Variants in TSPAN9 observed in about 807,000 individuals in gnomAD.
TSPAN9 encodes tetraspanin 9.
A neutral mutation model predicts 31.0 loss-of-function variants in TSPAN9; 16 were observed. The ratio of observed to expected loss-of-function variants is 0.52; its 90% CI spans 0.35 to 0.78. The LOEUF (loss-of-function observed/expected upper bound fraction) is 0.78. Ranked by LOEUF, TSPAN9 falls within the 30% of genes least tolerant of loss-of-function variation. The pLI is 0.01. For synonymous variants in TSPAN9, 145 were observed against 121.6 expected (o/e 1.19, Z -1.27); for missense variants, 272 against 312.5 (o/e 0.87, Z 0.98).
chr12:3,226,690 G>GTGTATGTATGTGTGTATATATA (rs2098387363), intron 3 of TSPAN9, among the ~76,000 whole-genome samples: 1 of 14,762 alleles, frequency 6.8e-5, no homozygotes, highest in African/African-American at 2.4e-4. Context: ...GTGTGTGTGT[G>GTGTATGTATGTGTGTATATATA]TGTGTGTGTG....
chr12:3,283,091 G>A lies in TSPAN9; in HGVS notation c.695G>A (p.Arg232Gln), dbSNP rs762634136. ...FSMTLFQHIH[R>Q]TGKKYDA Reference sequence around the variant, plus strand: ...ATGACCCTCTTCCAGCACATCCACCGGACTGGTAAGAAGTACGACGCATGA... The same window carrying A: ...ATGACCCTCTTCCAGCACATCCACCAGACTGGTAAGAAGTACGACGCATGA... The change falls in exon 9 of 9, where the codon CGG becomes CAG. Residue 232 changes from arginine (R) to glutamine (Q), a missense_variant. Transcript: ENST00000011898. 9.3e-6 allele frequency: 15 copies of A among 1,609,444 alleles called. No homozygotes were observed. Among genetic ancestry groups the A allele is most frequent in the African/African-American group, 1.3e-5 (1 of 74,914 alleles).
intron 2 of TSPAN9, among the ~76,000 whole-genome samples, chr12:3,087,736 G>A (rs2098301329): frequency 6.6e-6 from 1 of 152,038 alleles, no homozygotes; most frequent in South Asian, 2.1e-4. Flanking sequence ...AATCTGGGAG[G>A]CGGAGGTTGC....
At chr12:3,257,018 A>G (rs1047944187) in intron 3 of TSPAN9, among the ~76,000 whole-genome samples, 5 of 152,068 alleles carry the variant, frequency 3.3e-5, no homozygotes, top group African/African-American at 1.2e-4. Context: ...GGTGACATTG[A>G]AGTTTGGGTT....
At chr12:3,132,085 G>C (rs2098330065) in intron 2 of TSPAN9, among the ~76,000 whole-genome samples, 1 of 152,186 alleles carries the variant, frequency 6.6e-6, no homozygotes, top group Non-Finnish European at 1.5e-5. Flanking sequence ...GCATGCTGTA[G>C]TGTGCATCAG....
At chr12:3,092,210 C>A (rs1007173365) in intron 2 of TSPAN9, among the ~76,000 whole-genome samples, 62 of 152,298 alleles carry the variant, frequency 4.1e-4, no homozygotes, top group African/African-American at 1.5e-3. Context: ...CTGCCAGGCC[C>A]TCCCTGACTC....
At chr12:3,176,134 T>TA (rs765238349) in intron 2 of TSPAN9, among the ~76,000 whole-genome samples, 42 of 152,370 alleles carry the variant, frequency 2.8e-4, no homozygotes, top group East Asian at 1.2e-3. Flanking sequence ...TCCCCTGCTG[T>TA]GAGCCAGGGA....
chr12:3,255,391 C>T (rs1345760194), intron 3 of TSPAN9, among the ~76,000 whole-genome samples: 1 of 152,208 alleles, frequency 6.6e-6, no homozygotes, highest in Non-Finnish European at 1.5e-5. Context: ...GGCCACATCA[C>T]GTAATGGGAG....
At chr12:3,230,169 C>T (rs2098389908) in intron 3 of TSPAN9, among the ~76,000 whole-genome samples, 1 of 152,200 alleles carries the variant, frequency 6.6e-6, no homozygotes, top group Non-Finnish European at 1.5e-5. Flanking sequence ...GGTCTCTCCC[C>T]AGGATTGCCC....
At chr12:3,204,034 G>T (rs971436486) in intron 3 of TSPAN9, among the ~76,000 whole-genome samples, 1 of 152,178 alleles carries the variant, frequency 6.6e-6, no homozygotes, top group East Asian at 1.9e-4. Flanking sequence ...TCTTGTGCAG[G>T]GGGGCAGGGG....
chr12:3,121,221 C>T (rs1232897700), intron 2 of TSPAN9, among the ~76,000 whole-genome samples: 1 of 152,186 alleles, frequency 6.6e-6, no homozygotes, highest in Non-Finnish European at 1.5e-5. Context: ...TATTTGCCCT[C>T]ATTTTGCAGA....
chr12:3,142,505 G>A (rs1050331800), intron 2 of TSPAN9, among the ~76,000 whole-genome samples: 4 of 152,204 alleles, frequency 2.6e-5, no homozygotes, highest in African/African-American at 9.7e-5. Flanking sequence ...GTAAGGCGAT[G>A]ATTATTTATT....
chr12:3,212,914 G>C (rs142120277), intron 3 of TSPAN9, among the ~76,000 whole-genome samples: 2 of 152,172 alleles, frequency 1.3e-5, no homozygotes, highest in Non-Finnish European at 2.9e-5. Context: ...GATGGAAGAT[G>C]TACAACGTGG....
chr12:3,126,983 C>T (rs1283121052), intron 2 of TSPAN9, among the ~76,000 whole-genome samples: 2 of 152,114 alleles, frequency 1.3e-5, no homozygotes, highest in Non-Finnish European at 2.9e-5. Flanking sequence ...GCTGTGTTGC[C>T]CAGGCTGGAC....
chr12:3,159,154 G>A (rs1311903027), intron 2 of TSPAN9, among the ~76,000 whole-genome samples: 1 of 151,282 alleles, frequency 6.6e-6, no homozygotes, highest in Non-Finnish European at 1.5e-5. Flanking sequence ...TCCCATTATT[G>A]TCTGTTGTTT....
At chr12:3,226,688 GTGTGTGTGTGTGTGTGTGTATGTGTA>G (rs1370691622) in intron 3 of TSPAN9, among the ~76,000 whole-genome samples, 1 of 24,946 alleles carries the variant, frequency 4.0e-5, no homozygotes, top group African/African-American at 1.6e-4. Context: ...GTGTGTGTGT[GTGTGTGTGTGTGTGTGTGTATGTGTA>G]TGTATGTGTG....
chr12:3,240,937 T>C (rs2098396274), intron 3 of TSPAN9, among the ~76,000 whole-genome samples: 1 of 152,166 alleles, frequency 6.6e-6, no homozygotes, highest in Admixed American at 6.5e-5. Flanking sequence ...ATGCCAACAA[T>C]AGTATGCTAT....
intron 2 of TSPAN9, among the ~76,000 whole-genome samples, chr12:3,097,068 G>T (rs1348988299): frequency 6.6e-6 from 1 of 152,156 alleles, no homozygotes; most frequent in Non-Finnish European, 1.5e-5. Context: ...TGGCGAGGAC[G>T]TTGAGGGAAG....
intron 3 of TSPAN9, among the ~76,000 whole-genome samples, chr12:3,219,393 C>T (rs115858306): frequency 0.016 from 2,460 of 152,270 alleles, 78 homozygotes; most frequent in African/African-American, 0.057. Context: ...TTGAGTGGCA[C>T]CTCCTGCGGG....
chr12:3,258,306 C>T (rs758691602), intron 3 of TSPAN9, among the ~76,000 whole-genome samples: 9 of 152,104 alleles, frequency 5.9e-5, no homozygotes, highest in African/African-American at 7.2e-5. Context: ...AGAGCCTTGG[C>T]GAGATTCATT....
Sources: gnomAD v4.1 joint callset for allele counts (sites outside exome capture counted in the v4.1 genomes callset) on GRCh38, gnomAD v4.1.1 for gene constraint, MANE v1.5 for transcripts, NCBI Gene and HGNC (gene_info 2026-07-23, HGNC 2026-07-21) for gene names.